The following KCNIP1 variants were observed in gnomAD, a reference collection of about 807,000 sequenced individuals.
The protein encoded by KCNIP1 is potassium voltage-gated channel interacting protein 1, also known as A-type potassium channel modulatory protein KCNIP1.
KCNIP1 carries 18 observed loss-of-function variants against 33.0 expected under a neutral mutation model. That is an observed-to-expected ratio of 0.55 (90% CI 0.38 to 0.81). The LOEUF is 0.81. KCNIP1 is among the 30% of genes least tolerant of loss of function. KCNIP1 has a pLI of 0.00. For missense variants in KCNIP1, 238 were observed against 271.6 expected, an observed-to-expected ratio of 0.88 and a Z score of 0.87; for synonymous variants, 93 against 98.3, an observed-to-expected ratio of 0.95 and a Z score of 0.32.
chr5:170,483,095 G>A (rs768025321), intron 1 of KCNIP1: 6 of 455,340 alleles, frequency 1.3e-5, no homozygotes, highest in South Asian at 3.1e-5. Context: ...CCGCAGAGCC[G>A]GATAGCTTGG....
intron 1 of KCNIP1, among the ~76,000 whole-genome samples, chr5:170,401,149 C>G (rs572454955): frequency 5.9e-5 from 9 of 152,304 alleles, no homozygotes; most frequent in South Asian, 2.1e-4. Flanking sequence ...GAGCCAGGAC[C>G]TTGTGCCTGA....
intron 1 of KCNIP1, chr5:170,712,841 C>T: frequency 6.2e-7 from 1 of 1,613,552 alleles, no homozygotes; most frequent in Middle Eastern, 1.6e-4. Flanking sequence ...AATGTTTTCT[C>T]ACTCTTTCCT....
intron 1 of KCNIP1, among the ~76,000 whole-genome samples, chr5:170,429,845 C>T (rs1305479827): frequency 6.6e-6 from 1 of 152,168 alleles, no homozygotes; most frequent in Non-Finnish European, 1.5e-5. Flanking sequence ...TTGTATTTGC[C>T]TACACAAAAC....
chr5:170,471,077 G>C (rs577706482), intron 1 of KCNIP1, among the ~76,000 whole-genome samples: 9 of 152,278 alleles, frequency 5.9e-5, no homozygotes, highest in African/African-American at 1.9e-4. Flanking sequence ...TTACCTTCTT[G>C]CTTGTCAAGT....
chr5:170,394,008 G>A (rs182144243), intron 1 of KCNIP1, among the ~76,000 whole-genome samples: 3 of 152,222 alleles, frequency 2.0e-5, no homozygotes, highest in Non-Finnish European at 4.4e-5. Context: ...TGATGTGGAA[G>A]TGCAGGGAGA....
intron 1 of KCNIP1, among the ~76,000 whole-genome samples, chr5:170,517,651 ATGGTGGTATGGTGG>A (rs139129416): frequency 0.089 from 13,422 of 151,478 alleles, 681 homozygotes; most frequent in East Asian, 0.23. Context: ...TATGACAGCG[ATGGTGGTATGGTGG>A]TGGTGGTGAT....
chr5:170,556,203 C>T (rs904468543), intron 1 of KCNIP1, among the ~76,000 whole-genome samples: 2 of 152,196 alleles, frequency 1.3e-5, no homozygotes, highest in African/African-American at 2.4e-5. Context: ...AACCACATCC[C>T]CCATGTCAAA....
rs146301707 is a variant in KCNIP1, at chr5:170,612,089, A to G, written c.62-106669A>G. On this transcript the variant is annotated intron_variant, in intron 1 of 7. Coordinates refer to ENST00000328939, the MANE Select transcript of KCNIP1 (RefSeq NM_014592.4). ...ACCCTGTCAGGTTTCCATATGTGCCAGACACATCATGTCCACAAGAGATTC... is the reference window on the plus strand; with the variant it reads ...ACCCTGTCAGGTTTCCATATGTGCCGGACACATCATGTCCACAAGAGATTC... Among the ~76,000 whole-genome samples, 432 of 152,340 alleles carry G rather than the reference A, an allele frequency of 2.8e-3. 5 individuals carry two copies. Among genetic ancestry groups the G allele is most frequent in the South Asian group, 0.014 (68 of 4,826 alleles).
intron 1 of KCNIP1, among the ~76,000 whole-genome samples, chr5:170,356,407 C>A (rs1186067739): frequency 1.3e-5 from 2 of 152,160 alleles, no homozygotes; most frequent in Non-Finnish European, 2.9e-5. Flanking sequence ...GGTCCAGGAT[C>A]ACCCTCCCTG....
At chr5:170,404,312 AT>A (rs58231884) in intron 1 of KCNIP1, among the ~76,000 whole-genome samples, 2,907 of 151,592 alleles carry the variant, frequency 0.019, 81 homozygotes, top group African/African-American at 0.065. Flanking sequence ...TTTTTCCAAG[AT>A]TTTTTTTTCC....
chr5:170,491,257 T>C (rs1757200407), intron 1 of KCNIP1, among the ~76,000 whole-genome samples: 1 of 152,176 alleles, frequency 6.6e-6, no homozygotes, highest in South Asian at 2.1e-4. Flanking sequence ...GGTAGATGAA[T>C]GAATGAATGA....
At chr5:170,717,608 C>A (rs1561781456) in intron 1 of KCNIP1, among the ~76,000 whole-genome samples, 1 of 152,128 alleles carries the variant, frequency 6.6e-6, no homozygotes, top group Non-Finnish European at 1.5e-5. Flanking sequence ...GTATTGGGAT[C>A]AAAGTCTCAA....
intron 1 of KCNIP1, among the ~76,000 whole-genome samples, chr5:170,390,082 C>T (rs1764656373): frequency 6.6e-6 from 1 of 152,162 alleles, no homozygotes; most frequent in Admixed American, 6.5e-5. Context: ...ACCAGGGGCC[C>T]TCCCAGAGAC....
upstream of KCNIP1, among the ~76,000 whole-genome samples, chr5:170,501,406 G>T (rs1196157007): frequency 6.6e-6 from 1 of 152,180 alleles, no homozygotes; most frequent in Non-Finnish European, 1.5e-5. Flanking sequence ...GGGTCAGGGA[G>T]GATTTGTAGA....
chr5:170,674,163 G>GGAAT (rs1762033428), intron 1 of KCNIP1, among the ~76,000 whole-genome samples: 1 of 88,720 alleles, frequency 1.1e-5, no homozygotes, highest in African/African-American at 5.4e-5. Context: ...AAGGAAGGAA[G>GGAAT]GAAGGAAGGA....
intron 1 of KCNIP1, chr5:170,374,591 G>A (rs1763937209): frequency 6.6e-6 from 1 of 152,136 alleles, no homozygotes; most frequent in Non-Finnish European, 1.5e-5. Flanking sequence ...GCACATGGGA[G>A]AACCATCCAG....
intron 1 of KCNIP1, among the ~76,000 whole-genome samples, chr5:170,698,920 G>C (rs955581378): frequency 6.6e-6 from 1 of 152,034 alleles, no homozygotes; most frequent in Non-Finnish European, 1.5e-5. Flanking sequence ...GCTACATGAA[G>C]ATCTCCAAGC....
At chr5:170,668,272 T>C (rs1761781744) in intron 1 of KCNIP1, among the ~76,000 whole-genome samples, 1 of 152,176 alleles carries the variant, frequency 6.6e-6, no homozygotes, top group South Asian at 2.1e-4. Context: ...CAAAGTTTGG[T>C]AAACAGGAAG....
At chr5:170,656,489 C>T (rs930128670) in intron 1 of KCNIP1, among the ~76,000 whole-genome samples, 2 of 152,192 alleles carry the variant, frequency 1.3e-5, no homozygotes, top group Non-Finnish European at 2.9e-5. Flanking sequence ...TAGGTCAGGG[C>T]CCCCCAGTGT....
Sources: gnomAD v4.1 joint callset for allele counts (sites outside exome capture counted in the v4.1 genomes callset) on GRCh38, gnomAD v4.1.1 for gene constraint, MANE v1.5 for transcripts, NCBI Gene and HGNC (gene_info 2026-07-23, HGNC 2026-07-21) for gene names.